The following FREM2 variants were observed in gnomAD, a reference collection of about 807,000 sequenced individuals.
FREM2 encodes FRAS1-related extracellular matrix protein 2.
Under a neutral mutation model 219.9 loss-of-function variants are expected in FREM2, and 119 were observed. That is an observed-to-expected ratio of 0.54 (90% CI 0.47 to 0.63). FREM2 has a LOEUF of 0.63. Ranked by LOEUF, FREM2 falls within the 30% of genes least tolerant of loss-of-function variation. The pLI is 0.00. For missense variants in FREM2, 4,030 were observed against 3,993.6 expected (o/e 1.01, Z -0.25); for synonymous variants, 1,562 against 1,522.8 (o/e 1.03, Z -0.60).
intron 6 of FREM2, among the ~76,000 whole-genome samples, chr13:38,831,149 C>T (rs1876491681): frequency 1.3e-5 from 2 of 152,054 alleles, no homozygotes; most frequent in Admixed American, 1.3e-4. Context: ...CCTTCTTCTT[C>T]CTCATATATG....
At chr13:38,709,830 A>G (rs914490925) in intron 2 of FREM2, among the ~76,000 whole-genome samples, 2 of 152,050 alleles carry the variant, frequency 1.3e-5, no homozygotes, top group African/African-American at 2.4e-5. Context: ...TGTAGTCCCA[A>G]TTGGTAGAAA....
rs764792350 is a variant in FREM2 at position 38,692,218 on chromosome 13, A to G, written c.4874A>G (p.His1625Arg). The G allele has an allele frequency of 1.2e-6, 2 of 1,614,220 alleles. No homozygotes were observed. The highest frequency in any genetic ancestry group is 1.3e-5 in the African/African-American group (1 of 75,070). ...SFSFTVTDGT[H>R]TDFYVFPDTV... ...TCCTTCACAGTGACTGATGGCACCC[A>G]TACAGACTTCTATGTTTTTCCTGAT... The change falls in exon 1 of 24, where the codon CAT becomes CGT. Residue 1625 changes from histidine to arginine, a missense_variant. Transcript: ENST00000280481.
chr13:38,704,673 GAA>G, intron 2 of FREM2, among the ~76,000 whole-genome samples: 1 of 152,170 alleles, frequency 6.6e-6, no homozygotes, highest in Admixed American at 6.5e-5. Flanking sequence ...TTGTGCTAAA[GAA>G]AAGAGTATCC....
At chr13:38,782,598 T>C (rs1874160472) in intron 4 of FREM2, among the ~76,000 whole-genome samples, 1 of 152,190 alleles carries the variant, frequency 6.6e-6, no homozygotes, top group Admixed American at 6.5e-5. Context: ...GAACAGACAT[T>C]TCAAGATCTG....
rs1466628000 is a variant in FREM2 at position 38,692,243 on chromosome 13, T to TA, written c.4900dup (p.Thr1634AsnfsTer4). On this transcript the variant is annotated frameshift_variant, in exon 1 of 24. Coordinates refer to ENST00000280481, the MANE Select transcript of FREM2 (RefSeq NM_207361.6). LOFTEE classifies it high-confidence loss of function. ...ATACAGACTTCTATGTTTTTCCTGA[T>TA]ACGGTGTTTGAAACAAGGAGACCCC... 1 of 1,614,060 alleles carries TA rather than the reference T, an allele frequency of 6.2e-7. No homozygotes were observed. The highest frequency in any genetic ancestry group is 8.5e-7 in the Non-Finnish European group (1 of 1,180,034).
chr13:38,690,216 GA>G lies in FREM2; in HGVS notation c.2876del (p.Asn959MetfsTer21). The G allele has an allele frequency of 2.5e-6, 4 of 1,614,160 alleles. No individual in the cohort carries two copies. The highest frequency in any genetic ancestry group is 1.3e-5 in the African/African-American group (1 of 75,040). On this transcript the variant is annotated frameshift_variant, in exon 1 of 24. Coordinates refer to ENST00000280481, the MANE Select transcript of FREM2 (RefSeq NM_207361.6). LOFTEE classifies it high-confidence loss of function. The stretch of plus-strand genomic sequence containing the variant: ...TCTGGAGTCCTATCTAGATGTCTTA[GA>G]AAATGGGGCTACTGAAATCACTGCC... ...GTLESYLDVL[E>X]NGATEITANV...
chr13:38,878,755 A>G (rs1420447713), intron 22 of FREM2, 76 bp from the exon 23 acceptor site: 1 of 1,402,074 alleles, frequency 7.1e-7, no homozygotes, highest in Non-Finnish European at 1.0e-6. Flanking sequence ...TGCACAAAAC[A>G]AATAGAGAAA....
In FREM2 at chr13:38,690,640, A is replaced by G. The variant is rs374360439; in HGVS notation, c.3296A>G (p.Asn1099Ser). The G allele has an allele frequency of 8.7e-6, 14 of 1,613,838 alleles. No individual in the cohort carries two copies. Among genetic ancestry groups the G allele is most frequent in the East Asian group, 4.5e-5 (2 of 44,878 alleles). Reference protein sequence around the residue: ...HISAEDVDSLNDDILCTIVIQ... With the variant: ...HISAEDVDSLSDDILCTIVIQ... Reference sequence around the variant, plus strand: ...AGTGCTGAAGATGTCGACTCCCTGAATGATGACATCTTGTGCACTATAGTT... The same window carrying G: ...AGTGCTGAAGATGTCGACTCCCTGAGTGATGACATCTTGTGCACTATAGTT... The change falls in exon 1 of 24, where the codon AAT becomes AGT. Residue 1099 changes from asparagine (N) to serine (S), a missense_variant. Coordinates refer to ENST00000280481, the MANE Select transcript of FREM2 (RefSeq NM_207361.6).
intron 6 of FREM2, among the ~76,000 whole-genome samples, chr13:38,810,205 A>C (rs990217977): frequency 6.7e-6 from 1 of 148,928 alleles, no homozygotes; most frequent in African/African-American, 2.5e-5. Context: ...ATCAGTTATA[A>C]TATTTTTGGT....
At chr13:38,807,981 G>C (rs963455680) in intron 6 of FREM2, among the ~76,000 whole-genome samples, 2 of 151,868 alleles carry the variant, frequency 1.3e-5, no homozygotes, top group African/African-American at 4.8e-5. Context: ...CAAATATAAG[G>C]CTGTTTTTTC....
rs367867609 is a variant in FREM2 at position 38,848,529 on chromosome 13, C to T, written c.6238C>T (p.Arg2080Cys). 6 of 1,613,898 alleles carry T rather than the reference C, an allele frequency of 3.7e-6. No homozygotes were observed. The highest frequency in any genetic ancestry group is 1.3e-5 in the African/African-American group (1 of 74,908). ...FAPGVNMQPV[R>C]VVILDDLGQP... ...ACCTGGAGTCAACATGCAGCCTGTTCGTGTTGTCATTCTGGATGACCTTGG... is the reference window on the plus strand; with the variant it reads ...ACCTGGAGTCAACATGCAGCCTGTTTGTGTTGTCATTCTGGATGACCTTGG... The change falls in exon 8 of 24, where the codon CGT becomes TGT. Residue 2080 changes from arginine to cysteine, a missense_variant. Transcript: ENST00000280481.
chr13:38,851,889 G>A, intron 11 of FREM2, 21 bp downstream of exon 11: 1 of 1,601,674 alleles, frequency 6.2e-7, no homozygotes, highest in Non-Finnish European at 8.6e-7. Flanking sequence ...CCCAGGGCCT[G>A]TCTCCTGATG....
Position 38,688,958 on chromosome 13 carries a change from T to C in FREM2, c.1614T>C (p.Asp538=), listed in dbSNP as rs893605842. ...ACAACCTGGTGCTTCGCATGGTGGA[T>C]GGAGGAGGCAGGCACCAGGTACAGT... is the stretch of plus-strand genomic sequence containing the variant. ...LSDNLVLRMV[D]GGGRHQVQFL... Residue 538 remains aspartate (D), a synonymous_variant, in exon 1 of 24, where the codon GAT becomes GAC. Transcript: ENST00000280481. The C allele has an allele frequency of 1.2e-6, 2 of 1,613,380 alleles. No individual in the cohort carries two copies. The highest frequency in any genetic ancestry group is 1.7e-5 in the Admixed American group (1 of 59,948).
At chr13:38,877,085 A>T (rs573297171) in intron 20 of FREM2, 32 bp from the exon 21 acceptor site, 5 of 1,613,456 alleles carry the variant, frequency 3.1e-6, no homozygotes, top group African/African-American at 1.3e-5. Flanking sequence ...AGAACCACTG[A>T]TGCATAAAAG....
At chr13:38,870,870 T>C (rs1238976220) in intron 16 of FREM2, among the ~76,000 whole-genome samples, 1 of 152,146 alleles carries the variant, frequency 6.6e-6, no homozygotes, top group Non-Finnish European at 1.5e-5. Flanking sequence ...GAATATAACA[T>C]TGGAAAAAAT....
At chr13:38,710,612 T>A (rs1870730514) in intron 2 of FREM2, among the ~76,000 whole-genome samples, 1 of 152,252 alleles carries the variant, frequency 6.6e-6, no homozygotes, top group African/African-American at 2.4e-5. Flanking sequence ...GAGAGCTGTT[T>A]CATTCATATT....
rs1872159201 is a variant in FREM2, at chr13:38,739,716, A to T, written c.5264-24588A>T. On this transcript the variant is annotated intron_variant, in intron 2 of 23. Coordinates refer to ENST00000280481, the MANE Select transcript of FREM2 (RefSeq NM_207361.6). ...ATCACCCAGGACGGAGAGCCTTAAAACTAGTCATCTACTTCCCAGAGAGAT... is the reference window on the plus strand; with the variant it reads ...ATCACCCAGGACGGAGAGCCTTAAATCTAGTCATCTACTTCCCAGAGAGAT... 3.3e-5 allele frequency among the ~76,000 whole-genome samples: 5 copies of T among 151,664 alleles called. 1 individual carries two copies. In the South Asian group the frequency reaches 1.0e-3, roughly 32 times the overall value.
At position 38,690,538 on chromosome 13, in the gene FREM2, A is replaced by G. The variant is rs1869788519; in HGVS notation, c.3194A>G (p.Gln1065Arg). 2.5e-6 allele frequency: 4 copies of G among 1,614,212 alleles called. No individual in the cohort carries two copies. The highest frequency in any genetic ancestry group is 3.4e-6 in the Non-Finnish European group (4 of 1,180,042). ...GTGACCATCCTGCCTGTTGATAGCCAGGCCCCAGAAATCTTTGTAGGTGAA... is the reference window on the plus strand; with the variant it reads ...GTGACCATCCTGCCTGTTGATAGCCGGGCCCCAGAAATCTTTGTAGGTGAA... ...IWVTILPVDSQAPEIFVGEQL... is the reference protein window; with the variant it reads ...IWVTILPVDSRAPEIFVGEQL... The change falls in exon 1 of 24, where the codon CAG becomes CGG. Residue 1065 changes from glutamine (Q) to arginine (R), a missense_variant. By Grantham distance (43) the Gln-to-Arg change is conservative. Coordinates refer to ENST00000280481, the MANE Select transcript of FREM2 (RefSeq NM_207361.6).
intron 18 of FREM2, among the ~76,000 whole-genome samples, chr13:38,875,512 A>G (rs1267184621): frequency 2.6e-5 from 4 of 152,224 alleles, no homozygotes; most frequent in African/African-American, 7.2e-5. Context: ...TTTCTTCTAC[A>G]TGCCTACCTT....
Sources: allele counts gnomAD v4.1 joint callset (sites outside exome capture counted in the v4.1 genomes callset), GRCh38; gene constraint gnomAD v4.1.1; transcripts MANE v1.5; gene names NCBI Gene and HGNC (gene_info 2026-07-23, HGNC 2026-07-21).